BMP5: variants seen among roughly 807,000 people sequenced by gnomAD.
BMP5 encodes the protein bone morphogenetic protein 5.
BMP5 carries 23 observed loss-of-function variants against 46.6 expected under a neutral mutation model. The observed-to-expected ratio is 0.49, with a 90% confidence interval of 0.35 to 0.70. The LOEUF is 0.70. Among genes scored for constraint, BMP5 ranks in the 30% least tolerant of loss-of-function variants. The pLI is 0.00. For synonymous variants in BMP5, 204 were observed against 191.9 expected (o/e 1.06, Z -0.52); for missense variants, 545 against 565.6 (o/e 0.96, Z 0.37).
rs151004770 is a variant in BMP5 at position 55,756,934 on chromosome 6, G to A, written c.1216-1252C>T. On this transcript the variant is annotated intron_variant, in intron 6 of 6. Coordinates refer to ENST00000370830, the MANE Select transcript of BMP5 (RefSeq NM_021073.4). ...ATTAGTCACAAACATGCTTTCCTCCGTCTTTTTGTTTCATGTCCTTCACAG... is the reference window on the plus strand; with the variant it reads ...ATTAGTCACAAACATGCTTTCCTCCATCTTTTTGTTTCATGTCCTTCACAG... Among the ~76,000 whole-genome samples the A allele has an allele frequency of 2.5e-4, 38 of 151,722 alleles. No individual in the cohort carries two copies. The East Asian group carries it at 5.4e-3, about 22-fold the overall frequency.
At chr6:55,785,587 T>C (rs1775427421) in intron 3 of BMP5, among the ~76,000 whole-genome samples, 1 of 151,884 alleles carries the variant, frequency 6.6e-6, no homozygotes, top group South Asian at 2.1e-4. Context: ...CCAAGGGAAA[T>C]CTATGTCATA....
At chr6:55,854,363 A>T (rs991495458) in intron 1 of BMP5, among the ~76,000 whole-genome samples, 10 of 152,232 alleles carry the variant, frequency 6.6e-5, no homozygotes, top group African/African-American at 1.4e-4. Flanking sequence ...ATTGACCAAG[A>T]TGTTGATATT....
At position 55,755,478 on chromosome 6, in the gene BMP5, T is replaced by A. The variant is rs754921017; in HGVS notation, c.*55A>T. On this transcript the variant is annotated 3_prime_UTR_variant, in exon 7 of 7. Transcript: ENST00000370830. The stretch of plus-strand genomic sequence containing the variant: ...CGTTTGTCTGAAAGTATGCTTTTTA[T>A]TGCAGCCATAAACCTTAATACAGAT... 2 of 1,527,556 alleles carry A rather than the reference T, an allele frequency of 1.3e-6. No individual in the cohort carries two copies. The highest frequency in any genetic ancestry group is 1.8e-6 in the Non-Finnish European group (2 of 1,113,804). 94.6% of individuals were successfully genotyped at this position (1,527,556 alleles called of 1,614,324 possible).
In BMP5 at chr6:55,874,885, T is replaced by G. The variant is rs761114982; in HGVS notation, c.-20A>C. On this transcript the variant is annotated 5_prime_UTR_variant, in exon 1 of 7. Transcript: ENST00000370830. ...ATGCATTTTTGTCCAAAAGCAAAAGTTGATATTTTTAGTCCTTCTTGTCCT... is the reference window on the plus strand; with the variant it reads ...ATGCATTTTTGTCCAAAAGCAAAAGGTGATATTTTTAGTCCTTCTTGTCCT... The G allele has an allele frequency of 1.2e-6, 2 of 1,611,848 alleles. No homozygotes were observed. The highest frequency in any genetic ancestry group is 1.7e-6 in the Non-Finnish European group (2 of 1,179,062).
chr6:55,819,942 C>A (rs1310279512), intron 1 of BMP5, 95 bp from the exon 2 acceptor site: 2 of 1,139,286 alleles, frequency 1.8e-6, no homozygotes, highest in African/African-American at 3.1e-5. Context: ...AGAAAACAAA[C>A]AAGCAGGATA....
chr6:55,866,807 AT>A (rs1399221079), intron 1 of BMP5, among the ~76,000 whole-genome samples: 1 of 151,954 alleles, frequency 6.6e-6, no homozygotes, highest in African/African-American at 2.4e-5. Flanking sequence ...CAATTTAAGG[AT>A]TTTTTCTTTC....
intron 2 of BMP5, among the ~76,000 whole-genome samples, chr6:55,817,615 G>C (rs1347508940): frequency 6.6e-6 from 1 of 152,068 alleles, no homozygotes; most frequent in Non-Finnish European, 1.5e-5. Context: ...TGGGAGGAGG[G>C]GGGAGGGATA....
At chr6:55,792,193 C>T (rs1402429005) in intron 3 of BMP5, among the ~76,000 whole-genome samples, 3 of 152,132 alleles carry the variant, frequency 2.0e-5, no homozygotes, top group Non-Finnish European at 4.4e-5. Flanking sequence ...AAGGTCTGAA[C>T]CTTTGCCTAT....
chr6:55,848,059 A>T (rs999695554), intron 1 of BMP5, among the ~76,000 whole-genome samples: 5 of 151,984 alleles, frequency 3.3e-5, no homozygotes, highest in Non-Finnish European at 7.4e-5. Flanking sequence ...TCCTAGTCAA[A>T]ACTGCTGGTG....
At chr6:55,759,218 T>TA (rs1472881649) in intron 5 of BMP5, 103 bp from the exon 6 acceptor site, 6 of 655,882 alleles carry the variant, frequency 9.1e-6, no homozygotes, top group Non-Finnish European at 1.5e-5. Context: ...TAAAAATTTT[T>TA]AAAAAATCTT....
At chr6:55,833,684 A>G (rs1776717111) in intron 1 of BMP5, among the ~76,000 whole-genome samples, 1 of 152,206 alleles carries the variant, frequency 6.6e-6, no homozygotes, top group Non-Finnish European at 1.5e-5. Flanking sequence ...AATTCAAGCA[A>G]TATGTAAACA....
intron 1 of BMP5, among the ~76,000 whole-genome samples, chr6:55,859,676 T>C (rs1487587803): frequency 1.3e-5 from 2 of 152,216 alleles, no homozygotes; most frequent in African/African-American, 4.8e-5. Flanking sequence ...TTTTTCCTGC[T>C]CCTTTTTAAT....
At chr6:55,783,995 C>G (rs923756103) in intron 3 of BMP5, among the ~76,000 whole-genome samples, 1 of 151,932 alleles carries the variant, frequency 6.6e-6, no homozygotes, top group African/African-American at 2.4e-5. Context: ...AATTTTAAAA[C>G]CTTTTTTCAT....
At chr6:55,848,759 A>G (rs550151095) in intron 1 of BMP5, among the ~76,000 whole-genome samples, 1 of 152,070 alleles carries the variant, frequency 6.6e-6, no homozygotes, top group African/African-American at 2.4e-5. Context: ...TCTAAATATG[A>G]GCCAGGTATC....
intron 1 of BMP5, among the ~76,000 whole-genome samples, chr6:55,861,807 T>A (rs1017417182): frequency 6.6e-6 from 1 of 152,182 alleles, no homozygotes; most frequent in Non-Finnish European, 1.5e-5. Context: ...TGTTGGAAAG[T>A]ATATAGAACT....
At chr6:55,858,701 A>T (rs541966112) in intron 1 of BMP5, among the ~76,000 whole-genome samples, 28 of 152,234 alleles carry the variant, frequency 1.8e-4, no homozygotes, top group Non-Finnish European at 3.2e-4. Context: ...TTATTGCAGC[A>T]CTATTTACAA....
chr6:55,794,310 C>G lies in BMP5; in HGVS notation c.801G>C (p.Leu267Phe), dbSNP rs202025049. The G allele has an allele frequency of 3.1e-6, 5 of 1,613,750 alleles. No individual in the cohort carries two copies. The highest frequency in any genetic ancestry group is 4.2e-6 in the Non-Finnish European group (5 of 1,179,910). The change falls in exon 3 of 7, where the codon TTG becomes TTC. Residue 267 changes from leucine (L) to phenylalanine (F), a missense_variant. Leu to Phe is a conservative substitution (Grantham distance 22). Coordinates refer to ENST00000370830, the MANE Select transcript of BMP5 (RefSeq NM_021073.4). Reference sequence around the variant, plus strand: ...CTGTTTCTGCACAGAGCTGTAAGCCCAAATTATTCTGGGGATTAATCACCC... The same window carrying G: ...CTGTTTCTGCACAGAGCTGTAAGCCGAAATTATTCTGGGGATTAATCACCC... ...NHWVINPQNNLGLQLCAETGD... is the reference protein window; with the variant it reads ...NHWVINPQNNFGLQLCAETGD...
chr6:55,764,589 A>AAAAAAAAG (rs1562026349), intron 4 of BMP5, among the ~76,000 whole-genome samples: 3 of 147,560 alleles, frequency 2.0e-5, no homozygotes, highest in African/African-American at 5.0e-5. Flanking sequence ...AAAAAAAAAG[A>AAAAAAAAG]AAAAAAGAAA....
chr6:55,863,766 T>G (rs1777576178), intron 1 of BMP5, among the ~76,000 whole-genome samples: 1 of 152,166 alleles, frequency 6.6e-6, no homozygotes, highest in African/African-American at 2.4e-5. Flanking sequence ...GCACAACCAA[T>G]TACGTGTTTT....
Sources: allele counts gnomAD v4.1 joint callset (sites outside exome capture counted in the v4.1 genomes callset), GRCh38; gene constraint gnomAD v4.1.1; transcripts MANE v1.5; gene names NCBI Gene and HGNC (gene_info 2026-07-23, HGNC 2026-07-21).